PTPRQ: variants seen among roughly 807,000 people sequenced by gnomAD.
The protein encoded by PTPRQ is phosphatidylinositol phosphatase PTPRQ.
Under a neutral mutation model 246.0 loss-of-function variants are expected in PTPRQ, and 199 were observed. The observed-to-expected ratio is 0.81, with a 90% CI of 0.72 to 0.91. The LOEUF is 0.91. PTPRQ is among the 40% of genes least tolerant of loss of function. PTPRQ has a pLI of 0.00. For missense variants in PTPRQ, 2,624 were observed against 2,528.4 expected, an observed-to-expected ratio of 1.04 and a Z score of -0.81; for synonymous variants, 869 against 853.2, an observed-to-expected ratio of 1.02 and a Z score of -0.32.
intron 26 of PTPRQ, among the ~76,000 whole-genome samples, chr12:80,604,320 C>A (rs553352331): frequency 6.6e-6 from 1 of 151,646 alleles, no homozygotes; most frequent in East Asian, 1.9e-4. Context: ...TCCCTGCATA[C>A]TATTATCTCT....
rs1303579852 is a variant in PTPRQ, at chr12:80,542,079, T to C, written c.3446-10T>C. 3 of 1,532,236 alleles carry C rather than the reference T, an allele frequency of 2.0e-6. No individual in the cohort carries two copies. In the African/African-American group the frequency reaches 4.2e-5, roughly 21 times the overall value. 94.9% of individuals were successfully genotyped at this position (1,532,236 alleles called of 1,614,324 possible). On this transcript the variant is annotated splice_polypyrimidine_tract_variant and intron_variant, in intron 21 of 44. Transcript: ENST00000644991. ...TTTGTTTCATTTAATATTCTCTTTT[T>C]CTTTTATAGTCCCAGAAACTTCACC...
At chr12:80,578,584 G>A (rs539541406) in intron 25 of PTPRQ, among the ~76,000 whole-genome samples, 1 of 151,954 alleles carries the variant, frequency 6.6e-6, no homozygotes, top group Non-Finnish European at 1.5e-5. Flanking sequence ...TAGTAGAGAC[G>A]AGGTTCCACC....
At chr12:80,488,097 G>GTT (rs562962306) in intron 9 of PTPRQ, among the ~76,000 whole-genome samples, 102 of 144,812 alleles carry the variant, frequency 7.0e-4, no homozygotes, top group African/African-American at 1.2e-3. Flanking sequence ...CCTTACAGTT[G>GTT]TTTTTTTTTT....
At position 80,610,565 on chromosome 12, in the gene PTPRQ, A is replaced by G; in HGVS notation, c.4858A>G (p.Ser1620Gly). ...VVITAFTGNISAAYVEGKSSA... is the reference protein window; with the variant it reads ...VVITAFTGNIGAAYVEGKSSA... ...GATCACTGCATTTACTGGGAACATT[A>G]GTGCTGCATATGTAGAAGGGAAGTC... The change falls in exon 28 of 45, where the codon AGT becomes GGT. Residue 1620 changes from serine (S) to glycine (G), a missense_variant. By Grantham distance (56) the Ser-to-Gly change is moderately conservative. Transcript: ENST00000644991. The G allele has an allele frequency of 6.5e-7, 1 of 1,543,800 alleles. No homozygotes were observed. The highest frequency in any genetic ancestry group is 8.8e-7 in the Non-Finnish European group (1 of 1,141,464).
chr12:80,535,127 CTTACA>C, intron 19 of PTPRQ, 90 bp downstream of exon 19: 1 of 1,258,906 alleles, frequency 7.9e-7, no homozygotes, highest in Non-Finnish European at 1.1e-6. Flanking sequence ...AATTGTTTAC[CTTACA>C]TTGATAATTA....
chr12:80,575,404 A>T (rs2120972338), intron 25 of PTPRQ, among the ~76,000 whole-genome samples: 1 of 152,072 alleles, frequency 6.6e-6, no homozygotes, highest in Non-Finnish European at 1.5e-5. Context: ...TTGGCAATGT[A>T]GCGAGATCCC....
chr12:80,536,163 C>T (rs1008167908), intron 19 of PTPRQ, among the ~76,000 whole-genome samples: 3 of 152,092 alleles, frequency 2.0e-5, no homozygotes, highest in African/African-American at 7.2e-5. Context: ...AGAATACATC[C>T]CTTAGTGGTA....
chr12:80,546,773 GA>G, intron 24 of PTPRQ, 76 bp downstream of exon 24: 1 of 1,478,376 alleles, frequency 6.8e-7, no homozygotes, highest in Admixed American at 2.3e-5. Context: ...TAGTTTATAT[GA>G]TAAAGTATCA....
chr12:80,523,393 T>G (rs956585731), intron 17 of PTPRQ, among the ~76,000 whole-genome samples: 4 of 152,196 alleles, frequency 2.6e-5, no homozygotes, highest in Non-Finnish European at 5.9e-5. Flanking sequence ...TAGTTATTTC[T>G]TGCTTTCTGC....
Position 80,613,675 on chromosome 12 carries a change from T to C in PTPRQ, c.5002T>C (p.Ser1668Pro), listed in dbSNP as rs1302232677. Reference protein sequence around the residue: ...TKFQLTFLPPSQPNGNIQVYQ... With the variant: ...TKFQLTFLPPPQPNGNIQVYQ... ...ATTTCAATTAACGTTCCTTCCTCCT[T>C]CTCAACCTAATGGAAATATCCAAGT... is the stretch of plus-strand genomic sequence containing the variant. The change falls in exon 29 of 45, where the codon TCT becomes CCT. Residue 1668 changes from serine (S) to proline (P), a missense_variant. By Grantham distance (74) the Ser-to-Pro change is moderately conservative. Transcript: ENST00000644991. 2 of 1,546,074 alleles carry C rather than the reference T, an allele frequency of 1.3e-6. No homozygotes were observed. The highest frequency in any genetic ancestry group is 1.7e-6 in the Non-Finnish European group (2 of 1,143,158).
At chr12:80,480,445 A>T (rs953170631) in intron 8 of PTPRQ, among the ~76,000 whole-genome samples, 2 of 151,686 alleles carry the variant, frequency 1.3e-5, no homozygotes, top group African/African-American at 4.9e-5. Context: ...TTGACAGCCT[A>T]ACATCACAAT....
chr12:80,482,756 C>G (rs1393053559), intron 8 of PTPRQ, among the ~76,000 whole-genome samples: 4 of 151,126 alleles, frequency 2.6e-5, no homozygotes, highest in African/African-American at 9.8e-5. Context: ...ATTTATGCAG[C>G]CAAAAGACAC....
At position 80,613,535 on chromosome 12, in the gene PTPRQ, G is replaced by A. The variant is rs1565819087; in HGVS notation, c.4919-57G>A. The A allele has an allele frequency of 3.5e-6, 5 of 1,413,238 alleles. No homozygotes were observed. In the East Asian group the frequency reaches 1.3e-4, roughly 36 times the overall value. 87.5% of individuals were successfully genotyped at this position (1,413,238 alleles called of 1,614,324 possible). ...AAGTTCAAAGCAAATAAATTTATGT[G>A]GAGATAAAAAGGAATACAATATTTT... On this transcript the variant is annotated intron_variant, in intron 28 of 44. Transcript: ENST00000644991.
intron 25 of PTPRQ, among the ~76,000 whole-genome samples, chr12:80,550,109 G>A (rs1436321990): frequency 2.0e-5 from 3 of 151,922 alleles, no homozygotes; most frequent in African/African-American, 7.2e-5. Flanking sequence ...ATGTTTTCCT[G>A]AACTATATGG....
At chr12:80,588,074 T>G in intron 25 of PTPRQ, 55 bp from the exon 26 acceptor site, 2 of 1,457,502 alleles carry the variant, frequency 1.4e-6, no homozygotes, top group Non-Finnish European at 1.8e-6. Flanking sequence ...CTTTCTTCTC[T>G]TTATGAAGTG....
chr12:80,489,499 G>C (rs1450676181), intron 9 of PTPRQ, among the ~76,000 whole-genome samples: 1 of 151,976 alleles, frequency 6.6e-6, no homozygotes, highest in Non-Finnish European at 1.5e-5. Context: ...TCTCATTGAA[G>C]ATAATGGTCA....
In PTPRQ at chr12:80,674,497, C is replaced by T. The variant is rs939739075; in HGVS notation, c.6738+1193C>T. Reference sequence around the variant, plus strand: ...AATACCATGTCATGGAACATTAATCCTCCTTGGAAGATGCTGTTCCAGACC... The same window carrying T: ...AATACCATGTCATGGAACATTAATCTTCCTTGGAAGATGCTGTTCCAGACC... On this transcript the variant is annotated intron_variant, in intron 43 of 44. Coordinates refer to ENST00000644991, the MANE Select transcript of PTPRQ (RefSeq NM_001145026.2). 1.4e-4 allele frequency among the ~76,000 whole-genome samples: 22 copies of T among 152,046 alleles called. 1 individual carries two copies. Among genetic ancestry groups the T allele is most frequent in the Non-Finnish European group, 3.2e-4 (22 of 67,996 alleles).
At chr12:80,536,196 T>C (rs1209300235) in intron 19 of PTPRQ, among the ~76,000 whole-genome samples, 4 of 152,254 alleles carry the variant, frequency 2.6e-5, no homozygotes, top group Admixed American at 2.0e-4. Flanking sequence ...CACATGTTTG[T>C]GTCTTAGGTG....
At chr12:80,613,936 A>G (rs1938208833) in intron 29 of PTPRQ, 100 bp downstream of exon 29, 4 of 1,296,364 alleles carry the variant, frequency 3.1e-6, no homozygotes, top group South Asian at 2.5e-5. Flanking sequence ...GACATTTCCC[A>G]TATCTTTTTG....
Sources: gnomAD v4.1 joint callset for allele counts (sites outside exome capture counted in the v4.1 genomes callset) on GRCh38, gnomAD v4.1.1 for gene constraint, MANE v1.5 for transcripts, NCBI Gene and HGNC (gene_info 2026-07-23, HGNC 2026-07-21) for gene names.